PDXDC1: variants seen among roughly 807,000 people sequenced by gnomAD.
PDXDC1 encodes pyridoxal-dependent decarboxylase domain-containing protein 1.
PDXDC1 carries 42 observed loss-of-function variants against 100.1 expected under a neutral mutation model. That is an observed-to-expected ratio of 0.42 (90% CI 0.33 to 0.54). The LOEUF (loss-of-function observed/expected upper bound fraction) is 0.54. Ranked by LOEUF, PDXDC1 falls within the 20% of genes least tolerant of loss-of-function variation. PDXDC1 has a pLI of 0.10. For missense variants in PDXDC1, 636 were observed against 979.2 expected, an observed-to-expected ratio of 0.65 and a Z score of 4.68; for synonymous variants, 260 against 371.7, an observed-to-expected ratio of 0.70 and a Z score of 3.46.
At chr16:15,041,567 G>A, downstream of PDXDC1, 1 of 1,233,612 alleles carries the variant, frequency 8.1e-7, no homozygotes, top group South Asian at 1.2e-5. Context: ...GCAAGACTGG[G>A]GACAAAACGG....
chr16:15,038,100 T>C lies in PDXDC1; in HGVS notation c.*1825T>C. The C allele has an allele frequency of 4.3e-6, 7 of 1,612,994 alleles. No homozygotes were observed. The highest frequency in any genetic ancestry group is 5.9e-6 in the Non-Finnish European group (7 of 1,179,014). ...TTTTTTTGTAGAGTAGGGCTTTATT[T>C]CCAGAAAACAGTGTGTGAGCTGGAG... On this transcript the variant is annotated 3_prime_UTR_variant, in exon 23 of 23. Coordinates refer to ENST00000396410, the MANE Select transcript of PDXDC1 (RefSeq NM_015027.4).
chr16:15,018,485 G>C (rs1297026420), intron 11 of PDXDC1, among the ~76,000 whole-genome samples: 2 of 152,290 alleles, frequency 1.3e-5, no homozygotes, highest in Non-Finnish European at 2.9e-5. Flanking sequence ...AGTGATTTCT[G>C]CTAAAACACT....
chr16:15,131,567 C>T lies in PDXDC1; in HGVS notation c.1400-7312C>T, dbSNP rs1452134884. ...AGTGTCAGGGGCTCCTCGTTGAGCA[C>T]GCGGGAGCGCGTGAGGATGCGCATG... On this transcript the variant is annotated intron_variant, in intron 16 of 16. Transcript: ENST00000535621. 5.8e-5 allele frequency: 93 copies of T among 1,608,728 alleles called. 1 individual carries two copies. The highest frequency in any genetic ancestry group is 4.0e-4 in the East Asian group (18 of 44,702).
At chr16:15,015,502 G>C (rs1388075265) in intron 8 of PDXDC1, among the ~76,000 whole-genome samples, 4 of 152,126 alleles carry the variant, frequency 2.6e-5, no homozygotes, top group African/African-American at 7.2e-5. Flanking sequence ...GGATCACGAG[G>C]TCAGGAGTTC....
intron 1 of PDXDC1, among the ~76,000 whole-genome samples, chr16:14,993,748 G>C (rs1248667275): frequency 2.0e-5 from 3 of 152,264 alleles, no homozygotes; most frequent in Non-Finnish European, 2.9e-5. Flanking sequence ...AACTAGTTTA[G>C]AGTCCCGCCA....
chr16:14,982,398 G>A (rs1968191722), intron 1 of PDXDC1, among the ~76,000 whole-genome samples: 1 of 152,274 alleles, frequency 6.6e-6, no homozygotes, highest in African/African-American at 2.4e-5. Flanking sequence ...CGAGGTGGGT[G>A]GATCACCTGA....
chr16:15,056,358 G>C (rs1419684439), intron 16 of PDXDC1, among the ~76,000 whole-genome samples: 4 of 152,246 alleles, frequency 2.6e-5, no homozygotes, highest in African/African-American at 9.6e-5. Flanking sequence ...TCCTGGGGCG[G>C]GTTCTGGCTC....
intron 16 of PDXDC1, among the ~76,000 whole-genome samples, chr16:15,124,127 A>T (rs1470244421): frequency 1.3e-5 from 2 of 152,200 alleles, no homozygotes; most frequent in Non-Finnish European, 2.9e-5. Flanking sequence ...TTCTCTCCTA[A>T]GGTGTTTGCC....
chr16:15,128,143 G>C (rs1239253170), intron 16 of PDXDC1: 5 of 1,609,670 alleles, frequency 3.1e-6, no homozygotes, highest in African/African-American at 1.3e-5. Context: ...GCCCTGCAGA[G>C]GCGCGGGAGG....
intron 8 of PDXDC1, chr16:15,010,398 G>A (rs375342956): frequency 8.9e-3 from 1,385 of 154,852 alleles, no homozygotes; most frequent in Non-Finnish European, 0.015. Flanking sequence ...CATGCCTATA[G>A]TCCCTCTACT....
In PDXDC1 at chr16:15,092,404, C is replaced by G. The variant is rs1358888512; in HGVS notation, c.1400-46475C>G. The G allele has an allele frequency of 1.7e-5, 12 of 723,742 alleles. No homozygotes were observed. In the East Asian group the frequency reaches 2.8e-4, roughly 17 times the overall value. The allele number at this position is 723,742 out of a possible 1,614,324, so 44.8% of individuals were successfully genotyped here. ...GCTATTATTAAATATTTGATTTCAA[C>G]TGGTATCTTAATTAATCTTGCTATT... On this transcript the variant is annotated intron_variant, in intron 16 of 16. Coordinates refer to the PDXDC1 transcript ENST00000535621.
intron 16 of PDXDC1, chr16:15,074,648 T>C: frequency 9.2e-7 from 1 of 1,090,992 alleles, no homozygotes; most frequent in South Asian, 1.6e-5. Context: ...TTACTAGAGA[T>C]AATGGATGGA....
At chr16:15,010,656 T>A (rs376543857) in intron 8 of PDXDC1, among the ~76,000 whole-genome samples, 57 of 152,336 alleles carry the variant, frequency 3.7e-4, no homozygotes, top group African/African-American at 1.3e-3. Context: ...GACAGTGCAA[T>A]AAGGCAAAAA....
chr16:14,985,812 C>T (rs1251609018), intron 1 of PDXDC1, among the ~76,000 whole-genome samples: 1 of 152,294 alleles, frequency 6.6e-6, no homozygotes. Context: ...AAAAACGATT[C>T]TTGGCCAGGC....
At chr16:14,996,268 A>G in intron 1 of PDXDC1, 1 of 351,676 alleles carries the variant, frequency 2.8e-6, no homozygotes, top group Non-Finnish European at 5.5e-6. Context: ...TTGAGGAGGC[A>G]ATGCAGTTTT....
intron 16 of PDXDC1, among the ~76,000 whole-genome samples, chr16:15,086,886 T>C (rs193203707): frequency 2.4e-4 from 37 of 152,298 alleles, no homozygotes; most frequent in African/African-American, 8.2e-4. Context: ...GGCTGATCAA[T>C]TGGGGTCATG....
At chr16:15,024,905 G>A (rs1293410867) in intron 13 of PDXDC1, among the ~76,000 whole-genome samples, 1 of 152,310 alleles carries the variant, frequency 6.6e-6, no homozygotes, top group Non-Finnish European at 1.5e-5. Flanking sequence ...TCCTATAGAA[G>A]GTTTGTAAAG....
chr16:15,145,294 G>A, the PDXDC1 span, among the ~76,000 whole-genome samples: 1 of 152,356 alleles, frequency 6.6e-6, no homozygotes, highest in Admixed American at 6.5e-5. Flanking sequence ...CACCCACTCG[G>A]CTGTGGGCAC....
chr16:15,130,352 G>C, intron 16 of PDXDC1: 1 of 1,560,012 alleles, frequency 6.4e-7, no homozygotes, highest in Non-Finnish European at 8.7e-7. Context: ...CCTCGCTGAA[G>C]TACTGGCACA....
Sources: gnomAD v4.1 joint callset for allele counts (sites outside exome capture counted in the v4.1 genomes callset) on GRCh38, gnomAD v4.1.1 for gene constraint, MANE v1.5 for transcripts, NCBI Gene and HGNC (gene_info 2026-07-23, HGNC 2026-07-21) for gene names.